Variants in CSMD3 observed in about 807,000 individuals in gnomAD.
The protein encoded by CSMD3 is CUB and Sushi multiple domains 3, also known as CUB and sushi domain-containing protein 3.
In CSMD3, 177 loss-of-function variants were observed where a neutral mutation model predicts 435.2. The observed-to-expected ratio is 0.41, with a 90% confidence interval of 0.36 to 0.46. CSMD3 has a LOEUF of 0.46. Among genes scored for constraint, CSMD3 ranks in the 20% least tolerant of loss-of-function variants. CSMD3 has a pLI of 0.34. For missense variants in CSMD3, 4,265 were observed against 4,504.6 expected (o/e 0.95, Z 1.52); for synonymous variants, 1,656 against 1,520.5 (o/e 1.09, Z -2.07).
chr8:113,128,835 T>C (rs2091210455), intron 4 of CSMD3, among the ~76,000 whole-genome samples: 2 of 152,100 alleles, frequency 1.3e-5, no homozygotes, highest in Non-Finnish European at 1.5e-5. Context: ...AAGTAGTGTG[T>C]GGTGCTAAGC....
At chr8:112,360,216 C>A (rs180962357) in intron 38 of CSMD3, among the ~76,000 whole-genome samples, 2 of 151,956 alleles carry the variant, frequency 1.3e-5, no homozygotes, top group East Asian at 3.9e-4. Flanking sequence ...ACTGAGAAGG[C>A]CAAATTTTGT....
At chr8:112,764,392 A>T (rs527482774) in intron 13 of CSMD3, among the ~76,000 whole-genome samples, 30 of 148,386 alleles carry the variant, frequency 2.0e-4, no homozygotes, top group African/African-American at 2.9e-4. Flanking sequence ...TTCAGGATTT[A>T]AAAAAAAAAG....
chr8:113,285,047 G>T (rs2093636336), intron 2 of CSMD3, among the ~76,000 whole-genome samples: 1 of 152,130 alleles, frequency 6.6e-6, no homozygotes, highest in African/African-American at 2.4e-5. Flanking sequence ...TAAGAGAAAT[G>T]ATTTTTTTCT....
chr8:112,909,233 C>T (rs2082341269), intron 10 of CSMD3, among the ~76,000 whole-genome samples: 2 of 151,456 alleles, frequency 1.3e-5, no homozygotes, highest in African/African-American at 4.8e-5. Context: ...CTTATATTAA[C>T]TCCAAATTGG....
At chr8:113,372,603 T>G (rs1344239864) in intron 1 of CSMD3, among the ~76,000 whole-genome samples, 2 of 152,146 alleles carry the variant, frequency 1.3e-5, no homozygotes, top group Non-Finnish European at 2.9e-5. Flanking sequence ...GTAAGTAATC[T>G]GATTGCTTTA....
intron 5 of CSMD3, among the ~76,000 whole-genome samples, chr8:113,077,985 G>C (rs1269958204): frequency 2.0e-5 from 3 of 152,148 alleles, no homozygotes; most frequent in African/African-American, 7.2e-5. Context: ...AGCATGAAAA[G>C]ACATTTCTTT....
intron 4 of CSMD3, among the ~76,000 whole-genome samples, chr8:113,163,658 C>A (rs2092091411): frequency 6.6e-6 from 1 of 151,918 alleles, no homozygotes; most frequent in Non-Finnish European, 1.5e-5. Flanking sequence ...ACTTGCAGGG[C>A]AAATTCCAAA....
intron 45 of CSMD3, among the ~76,000 whole-genome samples, chr8:112,333,165 T>TTGAC (rs1563801727): frequency 2.6e-5 from 4 of 152,086 alleles, no homozygotes; most frequent in Non-Finnish European, 5.9e-5. Context: ...TTTTTATTGA[T>TTGAC]TGATTGATTG....
chr8:112,552,930 A>T, intron 25 of CSMD3, among the ~76,000 whole-genome samples: 1 of 152,250 alleles, frequency 6.6e-6, no homozygotes, highest in African/African-American at 2.4e-5. Flanking sequence ...AAAAGACAAC[A>T]AAACTGAAAC....
chr8:113,210,003 GGTGTGTGTGTGTGTGT>G (rs3048831), intron 3 of CSMD3, among the ~76,000 whole-genome samples: 20 of 139,042 alleles, frequency 1.4e-4, no homozygotes, highest in African/African-American at 3.8e-4. Context: ...TCTCCTAAAA[GGTGTGTGTGTGTGTGT>G]GTGTGTGTGT....
chr8:112,768,368 C>T (rs2078032704), intron 13 of CSMD3, among the ~76,000 whole-genome samples: 1 of 151,870 alleles, frequency 6.6e-6, no homozygotes, highest in Non-Finnish European at 1.5e-5. Flanking sequence ...ACTTTTTATA[C>T]CTGTCCTTTT....
At chr8:113,101,160 T>C (rs1006873458) in intron 4 of CSMD3, among the ~76,000 whole-genome samples, 1 of 152,142 alleles carries the variant, frequency 6.6e-6, no homozygotes, top group Admixed American at 6.6e-5. Context: ...CACAGAGGTG[T>C]CCCCATCAGT....
At chr8:113,277,077 T>C (rs2093576973) in intron 3 of CSMD3, among the ~76,000 whole-genome samples, 1 of 152,036 alleles carries the variant, frequency 6.6e-6, no homozygotes, top group Non-Finnish European at 1.5e-5. Flanking sequence ...CTTAAACTAA[T>C]CTAAAAATAT....
In CSMD3 at chr8:112,337,162, A is replaced by T. The variant is rs190759122; in HGVS notation, c.6842-333T>A. On this transcript the variant is annotated intron_variant, in intron 43 of 70. Coordinates refer to ENST00000297405, the MANE Select transcript of CSMD3 (RefSeq NM_198123.2). ...TTACTATGTGTACATATAAGGCCTT[A>T]TAAGAGGTTCAAAGCCTTTTATTTC... is the stretch of plus-strand genomic sequence containing the variant. Among the ~76,000 whole-genome samples, 902 of 152,298 alleles carry T rather than the reference A, an allele frequency of 5.9e-3. 9 individuals carry two copies. Among genetic ancestry groups the T allele is most frequent in the Non-Finnish European group, 9.2e-3 (627 of 68,020 alleles).
intron 10 of CSMD3, among the ~76,000 whole-genome samples, chr8:112,868,269 A>T (rs2081040379): frequency 6.6e-6 from 1 of 152,058 alleles, no homozygotes; most frequent in Admixed American, 6.6e-5. Flanking sequence ...CTCTTGAAAG[A>T]CCTGTCTAAG....
intron 27 of CSMD3, among the ~76,000 whole-genome samples, chr8:112,536,264 A>C (rs1027288755): frequency 1.3e-5 from 2 of 151,632 alleles, no homozygotes; most frequent in African/African-American, 4.9e-5. Context: ...AATTTTCGCA[A>C]CCTACTCATC....
intron 3 of CSMD3, among the ~76,000 whole-genome samples, chr8:113,198,155 C>A (rs928870516): frequency 2.6e-5 from 4 of 151,380 alleles, no homozygotes; most frequent in African/African-American, 9.7e-5. Context: ...AAATTGATTT[C>A]TATTCTAGCT....
intron 4 of CSMD3, 57 bp from the exon 5 acceptor site, chr8:113,099,020 A>C (rs1345152456): frequency 2.6e-6 from 3 of 1,170,974 alleles, no homozygotes; most frequent in Non-Finnish European, 3.8e-6. Flanking sequence ...GCAATTGTTC[A>C]GTTGTAAGTA....
chr8:112,440,766 A>G (rs1304243228), intron 32 of CSMD3, among the ~76,000 whole-genome samples: 1 of 152,156 alleles, frequency 6.6e-6, no homozygotes, highest in Non-Finnish European at 1.5e-5. Context: ...GCAATGGCCC[A>G]GGCTATACCT....
Sources: allele counts gnomAD v4.1 joint callset (sites outside exome capture counted in the v4.1 genomes callset), GRCh38; gene constraint gnomAD v4.1.1; transcripts MANE v1.5; gene names NCBI Gene and HGNC (gene_info 2026-07-23, HGNC 2026-07-21).